The following AKNA variants were observed in gnomAD, a reference collection of about 807,000 sequenced individuals.
AKNA encodes AT-hook transcription factor.
AKNA carries 67 observed loss-of-function variants against 138.8 expected under a neutral mutation model. That is an observed-to-expected ratio of 0.48 (90% confidence interval 0.40 to 0.59). AKNA has a LOEUF of 0.59. Ranked by LOEUF, AKNA falls within the 20% of genes least tolerant of loss-of-function variation. AKNA has a pLI of 0.00. For synonymous variants in AKNA, 737 were observed against 754.4 expected, an observed-to-expected ratio of 0.98 and a Z score of 0.38; for missense variants, 1,813 against 1,880.4, an observed-to-expected ratio of 0.96 and a Z score of 0.66.
rs1831634192 is a variant in AKNA, at chr9:114,358,051, A to G, written c.2609T>C (p.Val870Ala). Residue 870 changes from valine (V) to alanine (A), a missense_variant, in exon 12 of 22, where the codon GTG becomes GCG. Val to Ala is a moderately conservative substitution (Grantham distance 64). Transcript: ENST00000374088. ...KAEAAPPGPG[V>A]PPHPPGTKSA... ...CTTGGTGCCTGGAGGGTGGGGTGGCACGCCAGGGCCTGGAGGGGCTGCCTC... is the reference window on the plus strand; with the variant it reads ...CTTGGTGCCTGGAGGGTGGGGTGGCGCGCCAGGGCCTGGAGGGGCTGCCTC... The G allele has an allele frequency of 1.9e-6, 3 of 1,611,738 alleles. No individual in the cohort carries two copies. The highest frequency in any genetic ancestry group is 2.5e-6 in the Non-Finnish European group (3 of 1,178,460).
chr9:114,383,246 C>T (rs1833815806), intron 1 of AKNA: 3 of 455,598 alleles, frequency 6.6e-6, no homozygotes, highest in Non-Finnish European at 1.3e-5. Flanking sequence ...CAGAGAAGGG[C>T]TCCTCCGCTG....
At chr9:114,355,681 T>C (rs1005598695) in intron 14 of AKNA, among the ~76,000 whole-genome samples, 1 of 152,242 alleles carries the variant, frequency 6.6e-6, no homozygotes, top group African/African-American at 2.4e-5. Flanking sequence ...TGACAGTATG[T>C]GTAAACAAAC....
rs144685609 is a variant in AKNA at position 114,337,109 on chromosome 9, G to A, written c.4265C>T (p.Ser1422Leu). The A allele has an allele frequency of 4.6e-5, 73 of 1,603,116 alleles. No individual in the cohort carries two copies. The African/African-American group carries it at 7.6e-4, about 17-fold the overall frequency. Residue 1422 changes from serine (S) to leucine (L), a missense_variant, in exon 22 of 22, where the codon TCG becomes TTG. By Grantham distance (145) the Ser-to-Leu change is moderately radical. Transcript: ENST00000374088. ...AGCCTGGCGCAGGTCGGCTGACAGC[G>A]AGCTTCTCATCTGCCTGGTGGTAGA... ...VRSTTRQMRS[S>L]LSADLRQAHS...
rs1564649690 is a variant in AKNA, at chr9:114,374,086, CTGG to C, written c.1416+4_1416+6del. The C allele has an allele frequency of 1.3e-6, 2 of 1,554,142 alleles. No homozygotes were observed. The highest frequency in any genetic ancestry group is 4.9e-5 in the East Asian group (2 of 41,124). On this transcript the variant is annotated splice_donor_5th_base_variant and intron_variant, in intron 4 of 21. Coordinates refer to ENST00000374088, the MANE Select transcript of AKNA (RefSeq NM_001317950.2). ...GCCCATGCCTCCACCCCATCCCGGC[CTGG>C]TACCTTGGCCCCGAGGCGTAGCTGG...
chr9:114,392,104 C>CAAAAAAA (rs61619495), upstream of AKNA, among the ~76,000 whole-genome samples: 517 of 86,472 alleles, frequency 6.0e-3, 13 homozygotes, highest in Middle Eastern at 0.018. Context: ...AGACGCTTGT[C>CAAAAAAA]AAAAAAAAAA....
chr9:114,333,078 G>A (rs772162990), downstream of AKNA: 25 of 1,571,676 alleles, frequency 1.6e-5, no homozygotes, highest in African/African-American at 3.0e-4. Context: ...GGATAAGTGT[G>A]AGCCACTGGA....
Position 114,346,759 on chromosome 9 carries a change from C to G in AKNA, c.3424G>C (p.Glu1142Gln), listed in dbSNP as rs1564620569. 2 of 1,612,648 alleles carry G rather than the reference C, an allele frequency of 1.2e-6. No individual in the cohort carries two copies. The highest frequency in any genetic ancestry group is 2.2e-5 in the South Asian group (2 of 90,742). ...ACAATCTGCTCTTCACCTCTAGGCT[C>G]ACCAGGCAATCTCTCTGTGGATTTA... ...GSKSTERLPG[E>Q]PRGEEQIVPP... Residue 1142 changes from glutamate (E) to glutamine (Q), a missense_variant, in exon 17 of 22, where the codon GAG becomes CAG. Transcript: ENST00000374088.
At chr9:114,331,015 TAAG>T (rs915386596), downstream of AKNA, among the ~76,000 whole-genome samples, 2 of 152,014 alleles carry the variant, frequency 1.3e-5, no homozygotes, top group Non-Finnish European at 2.9e-5. Context: ...AAAAAATCCC[TAAG>T]AAGACACTGA....
intron 4 of AKNA, 71 bp downstream of exon 4, chr9:114,374,022 C>G: frequency 6.7e-7 from 1 of 1,496,134 alleles, no homozygotes. Flanking sequence ...TGGCCTTTCT[C>G]TAGGACTATG....
chr9:114,397,048 G>A (rs930869077), upstream of AKNA, among the ~76,000 whole-genome samples: 1 of 152,262 alleles, frequency 6.6e-6, no homozygotes, highest in African/African-American at 2.4e-5. Flanking sequence ...TCTGCAGGAC[G>A]GTGGGAGCTG....
At chr9:114,368,887 A>G (rs903273380) in intron 4 of AKNA, among the ~76,000 whole-genome samples, 1 of 152,200 alleles carries the variant, frequency 6.6e-6, no homozygotes, top group Admixed American at 6.5e-5. Flanking sequence ...TCCCCAGCTG[A>G]TAAGTCCTTG....
chr9:114,368,577 G>T lies in AKNA; in HGVS notation c.1435C>A (p.Pro479Thr). 7.2e-7 allele frequency: 1 copy of T among 1,393,874 alleles called. No individual in the cohort carries two copies. Among genetic ancestry groups the T allele is most frequent in the Non-Finnish European group, 9.4e-7 (1 of 1,068,110 alleles). 86.3% of individuals were successfully genotyped at this position (1,393,874 alleles called of 1,614,324 possible). ...LGAKVNLFSDPPQPNHSIHTG... is the reference protein window; with the variant it reads ...LGAKVNLFSDTPQPNHSIHTG... The stretch of plus-strand genomic sequence containing the variant: ...TGGATGCTGTGGTTGGGCTGGGGTG[G>T]GTCAGAGAACAGGTTCACCTGTGGA... Residue 479 changes from proline (P) to threonine (T), a missense_variant, in exon 5 of 22, where the codon CCA becomes ACA. Transcript: ENST00000374088.
At chr9:114,381,037 A>AG (rs1833622903) in intron 2 of AKNA, 23 bp downstream of exon 2, 1 of 1,480,618 alleles carries the variant, frequency 6.8e-7, no homozygotes, top group Non-Finnish European at 9.0e-7. Context: ...ACACCACTGT[A>AG]GGGGGAGGGG....
chr9:114,395,561 A>C (rs142858310), upstream of AKNA, among the ~76,000 whole-genome samples: 3 of 152,072 alleles, frequency 2.0e-5, no homozygotes, highest in Non-Finnish European at 4.4e-5. Context: ...ACACTACAAA[A>C]GCCATCTCAT....
At position 114,335,851 on chromosome 9, in the gene AKNA, T is replaced by C. The variant is rs1400352656; in HGVS notation, c.*1203A>G. On this transcript the variant is annotated 3_prime_UTR_variant, in exon 22 of 22. Coordinates refer to ENST00000374088, the MANE Select transcript of AKNA (RefSeq NM_001317950.2). Reference sequence around the variant, plus strand: ...ACTGGAGAGTCCAGGTGCATACTCTTGTAGACAGCAACTTGCTGTGTGCCT... The same window carrying C: ...ACTGGAGAGTCCAGGTGCATACTCTCGTAGACAGCAACTTGCTGTGTGCCT... The C allele has an allele frequency of 1.3e-5, 2 of 151,874 alleles. No individual in the cohort carries two copies. Among genetic ancestry groups the C allele is most frequent in the African/African-American group, 4.8e-5 (2 of 41,334 alleles). 9.4% of individuals were successfully genotyped at this position (151,874 alleles called of 1,614,324 possible). A position where few individuals can be genotyped will look rare whatever the true frequency, so the allele number is the denominator to read the frequency against.
chr9:114,338,572 G>A (rs771413578), intron 21 of AKNA, among the ~76,000 whole-genome samples: 2 of 152,194 alleles, frequency 1.3e-5, no homozygotes, highest in South Asian at 2.1e-4. Context: ...TGAGCAAAGC[G>A]GAGCTCAGAG....
At chr9:114,360,090 G>T (rs749851426) in intron 9 of AKNA, 28 bp from the exon 10 acceptor site, 49 of 1,613,662 alleles carry the variant, frequency 3.0e-5, no homozygotes, top group Non-Finnish European at 3.9e-5. Context: ...GACAGACAGA[G>T]ATTCAGCAGA....
intron 9 of AKNA, 103 bp from the exon 10 acceptor site, chr9:114,360,165 A>G: frequency 2.1e-6 from 3 of 1,440,264 alleles, no homozygotes; most frequent in Non-Finnish European, 2.9e-6. Context: ...GCGGGGTAAG[A>G]AGCACATTAG....
At chr9:114,350,577 C>T (rs80339969) in intron 15 of AKNA, among the ~76,000 whole-genome samples, 1 of 152,104 alleles carries the variant, frequency 6.6e-6, no homozygotes. Flanking sequence ...AGGCTTTTCT[C>T]GGAAAAGAGA....
Sources: allele counts gnomAD v4.1 joint callset (sites outside exome capture counted in the v4.1 genomes callset), GRCh38; gene constraint gnomAD v4.1.1; transcripts MANE v1.5; gene names NCBI Gene and HGNC (gene_info 2026-07-23, HGNC 2026-07-21).